DYNAP: variants seen among roughly 807,000 people sequenced by gnomAD.
The protein encoded by DYNAP is dynactin associated protein.
In DYNAP, 7 loss-of-function variants were observed where a neutral mutation model predicts 8.5. That is an observed-to-expected ratio of 0.82 (90% CI 0.47 to 1.54). DYNAP has a LOEUF of 1.54. Ranked by LOEUF, DYNAP falls within the 40% of genes most tolerant of loss-of-function variation. The probability of loss-of-function intolerance (pLI) is 0.01; values close to 1 mark genes in which losing one functional copy is unlikely to be tolerated. For missense variants in DYNAP, 256 were observed against 224.3 expected (o/e 1.14, Z -0.90); for synonymous variants, 77 against 77.9 (o/e 0.99, Z 0.06).
the DYNAP span, among the ~76,000 whole-genome samples, chr18:54,580,693 T>C: frequency 6.6e-6 from 1 of 152,210 alleles, no homozygotes; most frequent in African/African-American, 2.4e-5. Flanking sequence ...AATTTGAATC[T>C]ACAATGCTAT....
upstream of DYNAP, among the ~76,000 whole-genome samples, chr18:54,584,643 C>T (rs911814702): frequency 6.6e-6 from 1 of 151,968 alleles, no homozygotes; most frequent in Non-Finnish European, 1.5e-5. Flanking sequence ...AATATAAACA[C>T]CAATTAAGGA....
chr18:54,585,312 A>G (rs1910838120), upstream of DYNAP, among the ~76,000 whole-genome samples: 1 of 152,132 alleles, frequency 6.6e-6, no homozygotes, highest in African/African-American at 2.4e-5. Flanking sequence ...TCTTGCTCCA[A>G]AGACTATTGT....
At chr18:54,582,474 G>T in the DYNAP span, among the ~76,000 whole-genome samples, 2 of 152,160 alleles carry the variant, frequency 1.3e-5, no homozygotes, top group Non-Finnish European at 2.9e-5. Flanking sequence ...CTTTCCCCCA[G>T]ACTTACACTT....
chr18:54,594,850 T>C (rs1911218620), intron 1 of DYNAP, 89 bp from the exon 2 acceptor site: 1 of 1,399,148 alleles, frequency 7.1e-7, no homozygotes, highest in Non-Finnish European at 9.7e-7. Context: ...AGTCATACTC[T>C]TAGGTACTTT....
At position 54,599,119 on chromosome 18, in the gene DYNAP, A is replaced by T. The variant is rs1311310008; in HGVS notation, c.*974A>T. 6.6e-6 allele frequency: 1 copy of T among 152,152 alleles called. No homozygotes were observed. Among genetic ancestry groups the T allele is most frequent in the African/African-American group, 2.4e-5 (1 of 41,424 alleles). The allele number at this position is 152,152 out of a possible 1,614,324, so 9.4% of individuals were successfully genotyped here. A position where few individuals can be genotyped will look rare whatever the true frequency, so the allele number is the denominator to read the frequency against. ...ATGTCTCATGTCTCCCTAAAAATAT[A>T]TAAAACCAAACTGTACCTTAGCCAC... On this transcript the variant is annotated 3_prime_UTR_variant, in exon 3 of 3. Coordinates refer to ENST00000648945, the MANE Select transcript of DYNAP (RefSeq NM_173629.3).
intron 1 of DYNAP, among the ~76,000 whole-genome samples, chr18:54,593,574 C>T (rs927021088): frequency 6.6e-6 from 1 of 152,066 alleles, no homozygotes; most frequent in Non-Finnish European, 1.5e-5. Flanking sequence ...AGAAAGTAAA[C>T]GTTATCATCC....
rs1377702674 is a variant in DYNAP, at chr18:54,598,214, A to G, written c.*69A>G. On this transcript the variant is annotated 3_prime_UTR_variant, in exon 3 of 3. Transcript: ENST00000648945. ...TACCACTTCAACTCAGTTTGCAACTATAATAGCTACTCCTATCACTTCAAG... is the reference window on the plus strand; with the variant it reads ...TACCACTTCAACTCAGTTTGCAACTGTAATAGCTACTCCTATCACTTCAAG... The G allele has an allele frequency of 4.8e-6, 7 of 1,471,780 alleles. No homozygotes were observed. The highest frequency in any genetic ancestry group is 2.3e-5 in the East Asian group (1 of 43,564). The allele number at this position is 1,471,780 out of a possible 1,614,324, so 91.2% of individuals were successfully genotyped here. A position where few individuals can be genotyped will look rare whatever the true frequency, so the allele number is the denominator to read the frequency against.
rs77290204 is a variant in DYNAP at position 54,594,655 on chromosome 18, C to T, written c.58-284C>T. 3.4e-3 allele frequency among the ~76,000 whole-genome samples: 517 copies of T among 152,178 alleles called. 2 individuals are homozygous for T. Among genetic ancestry groups the T allele is most frequent in the Non-Finnish European group, 6.6e-3 (447 of 67,990 alleles). ...CCTTATAGAGGCTTCTTAATATATGCTCCACATACAGCAGCTTGCAACATA... is the reference window on the plus strand; with the variant it reads ...CCTTATAGAGGCTTCTTAATATATGTTCCACATACAGCAGCTTGCAACATA... On this transcript the variant is annotated intron_variant, in intron 1 of 2. Transcript: ENST00000648945.
upstream of DYNAP, among the ~76,000 whole-genome samples, chr18:54,585,237 C>CT (rs377495333): frequency 8.2e-3 from 1,216 of 148,088 alleles, 11 homozygotes; most frequent in Middle Eastern, 0.041. Context: ...ATAATATTTT[C>CT]TTTTTTTTTT....
At chr18:54,594,770 GTATAATA>G (rs555460814) in intron 1 of DYNAP, among the ~76,000 whole-genome samples, 162 bp from the exon 2 acceptor site, 14 of 152,092 alleles carry the variant, frequency 9.2e-5, no homozygotes, top group Non-Finnish European at 1.3e-4. Context: ...ATTAGTTAAA[GTATAATA>G]TATAATAATC....
At chr18:54,592,184 T>G (rs1033313548) in intron 1 of DYNAP, among the ~76,000 whole-genome samples, 4 of 151,906 alleles carry the variant, frequency 2.6e-5, no homozygotes, top group African/African-American at 9.7e-5. Context: ...AACCAAGATC[T>G]TCACTCCCTG....
chr18:54,594,988 G>A lies in DYNAP; in HGVS notation c.107G>A (p.Cys36Tyr). The change falls in exon 2 of 3, where the codon TGT becomes TAT. Residue 36 changes from cysteine (C) to tyrosine (Y), a missense_variant. Transcript: ENST00000648945. ...GAGGCTCACAGTTCCATATGCTGGT[G>A]TCTACCTTCAAATGATATAACCAGT... is the stretch of plus-strand genomic sequence containing the variant. ...DQEAHSSICW[C>Y]LPSNDITSDV... 6.2e-7 allele frequency: 1 copy of A among 1,612,650 alleles called. No individual in the cohort carries two copies. The highest frequency in any genetic ancestry group is 8.5e-7 in the Non-Finnish European group (1 of 1,179,138).
chr18:54,598,128 C>T lies in DYNAP; in HGVS notation c.538C>T (p.Pro180Ser), dbSNP rs761337198. Residue 180 changes from proline to serine, a missense_variant, in exon 3 of 3, where the codon CCT (proline) becomes TCT (serine). Transcript: ENST00000648945. ...TTCCACAGAACCTATAACTGTTGCA[C>T]CTACCGATCATTTATAATTTGAACA... is the stretch of plus-strand genomic sequence containing the variant. Reference protein sequence around the residue: ...TTSTEPITVAPTDHL With the variant: ...TTSTEPITVASTDHL 7 of 1,609,126 alleles carry T rather than the reference C, an allele frequency of 4.4e-6. No individual in the cohort carries two copies. In the African/African-American group the frequency reaches 9.4e-5, roughly 22 times the overall value.
At chr18:54,586,736 G>A (rs567943655), upstream of DYNAP, among the ~76,000 whole-genome samples, 1 of 152,212 alleles carries the variant, frequency 6.6e-6, no homozygotes, top group South Asian at 2.1e-4. Flanking sequence ...TTTGTAAAAG[G>A]TCACTGAAAG....
At chr18:54,585,417 G>A (rs1166202113), upstream of DYNAP, among the ~76,000 whole-genome samples, 2 of 151,732 alleles carry the variant, frequency 1.3e-5, no homozygotes, top group African/African-American at 4.8e-5. Context: ...TTTCATTCTA[G>A]CTTTTACTCT....
At chr18:54,582,980 A>G (rs187489010), upstream of DYNAP, among the ~76,000 whole-genome samples, 13 of 152,222 alleles carry the variant, frequency 8.5e-5, no homozygotes, top group Non-Finnish European at 8.8e-5. Context: ...ACAACCATCA[A>G]CGCTTTTTAA....
upstream of DYNAP, among the ~76,000 whole-genome samples, chr18:54,582,958 T>C (rs1910768191): frequency 1.3e-5 from 2 of 152,178 alleles, no homozygotes; most frequent in African/African-American, 4.8e-5. Flanking sequence ...AAGTACTTAT[T>C]ATCCAGCTTC....
At chr18:54,578,324 G>GGAT in the DYNAP span, among the ~76,000 whole-genome samples, 1 of 152,200 alleles carries the variant, frequency 6.6e-6, no homozygotes, top group African/African-American at 2.4e-5. Flanking sequence ...CTTAGGGGCA[G>GGAT]GATTGGTTTT....
Position 54,591,298 on chromosome 18 carries a change from G to A in DYNAP, c.16G>A (p.Gly6Arg), listed in dbSNP as rs1311810959. The A allele has an allele frequency of 1.9e-6, 3 of 1,612,372 alleles. No homozygotes were observed. The highest frequency in any genetic ancestry group is 1.7e-6 in the Non-Finnish European group (2 of 1,179,014). The change falls in exon 1 of 3, where the codon GGA becomes AGA. Residue 6 changes from glycine to arginine, a missense_variant. Coordinates refer to ENST00000648945, the MANE Select transcript of DYNAP (RefSeq NM_173629.3). Reference sequence around the variant, plus strand: ...CAGCTCAAGAATGGACAGAAAGCATGGAAAATACATATTGAACGTTGAGCA... The same window carrying A: ...CAGCTCAAGAATGGACAGAAAGCATAGAAAATACATATTGAACGTTGAGCA... MDRKHGKYILNVEHSE... is the reference protein window; with the variant it reads MDRKHRKYILNVEHSE...
Sources: allele counts gnomAD v4.1 joint callset (sites outside exome capture counted in the v4.1 genomes callset), GRCh38; gene constraint gnomAD v4.1.1; transcripts MANE v1.5; gene names NCBI Gene and HGNC (gene_info 2026-07-23, HGNC 2026-07-21).